Variants in CEP85 observed in about 807,000 individuals in gnomAD.
CEP85 encodes centrosomal protein of 85 kDa.
A neutral mutation model predicts 93.7 loss-of-function variants in CEP85; 58 were observed. The observed-to-expected ratio is 0.62, with a 90% confidence interval of 0.50 to 0.77. The LOEUF (loss-of-function observed/expected upper bound fraction) is 0.77, where lower values mean the gene tolerates loss of function less well. CEP85 is among the 30% of genes least tolerant of loss of function. The pLI, the probability that CEP85 is intolerant of heterozygous loss-of-function variation, is 0.00. For synonymous variants in CEP85, 314 were observed against 338.6 expected (o/e 0.93, Z 0.80); for missense variants, 868 against 922.0 (o/e 0.94, Z 0.76).
rs1450088073 is a variant in CEP85, at chr1:26,248,705, A to AGTCTGG, written c.208+4392_208+4397dup. 2.4e-5 allele frequency among the ~76,000 whole-genome samples: 3 copies of AGTCTGG among 127,008 alleles called. No homozygotes were observed. In the Admixed American group the frequency reaches 2.7e-4, roughly 11 times the overall value. The allele number at this position is 127,008 out of a possible 152,430, so 83.3% of individuals were successfully genotyped here. On this transcript the variant is annotated intron_variant, in intron 3 of 13. Transcript: ENST00000451429. ...GAGATGGGGTTTCACCATGTTGGCC[A>AGTCTGG]GTCTGGGTCTTGAACTCTTTTTTTT...
At chr1:26,244,352 G>A in intron 3 of CEP85, 34 bp downstream of exon 3, 3 of 1,590,028 alleles carry the variant, frequency 1.9e-6, no homozygotes, top group Non-Finnish European at 2.6e-6. Context: ...TTACCAATAT[G>A]TGTTCTCATT....
chr1:26,236,034 T>A (rs934384162), intron 1 of CEP85, among the ~76,000 whole-genome samples: 10 of 152,236 alleles, frequency 6.6e-5, no homozygotes, highest in African/African-American at 2.4e-4. Flanking sequence ...CAGCTCTAGC[T>A]GTCTGAGGCA....
intron 7 of CEP85, chr1:26,263,240 G>A: frequency 3.1e-6 from 1 of 318,022 alleles, no homozygotes. Flanking sequence ...CTGTGCTGTT[G>A]ACGAAGATCT....
intron 7 of CEP85, among the ~76,000 whole-genome samples, chr1:26,260,380 A>G (rs1006576592): frequency 1.3e-5 from 2 of 152,072 alleles, no homozygotes; most frequent in African/African-American, 4.8e-5. Context: ...AATCTCAGCT[A>G]CTTGGGAGGC....
In CEP85 at chr1:26,269,582, G is replaced by C. The variant is rs2089942679; in HGVS notation, c.1617G>C (p.Gln539His). The part of the protein sequence containing the change: ...EKEIQLESLR[Q>H]REAEFSSAGH... ...AGATTCAACTGGAAAGCCTGAGGCA[G>C]AGAGAAGCAGAATTCTCCTCCGCTG... Residue 539 changes from glutamine (Q) to histidine (H), a missense_variant, in exon 9 of 14, where the codon CAG (glutamine) becomes CAC (histidine). By Grantham distance (24) the Gln-to-His change is conservative. Transcript: ENST00000451429. The C allele has an allele frequency of 6.2e-7, 1 of 1,613,974 alleles. No individual in the cohort carries two copies. Among genetic ancestry groups the C allele is most frequent in the African/African-American group, 1.3e-5 (1 of 74,922 alleles).
intron 6 of CEP85, 80 bp from the exon 7 acceptor site, chr1:26,259,537 G>T (rs759897041): frequency 4.7e-5 from 60 of 1,281,336 alleles, no homozygotes; most frequent in Non-Finnish European, 5.7e-5. Flanking sequence ...ATATTTGACC[G>T]TGAAGTATGC....
chr1:26,265,701 T>C lies in CEP85; in HGVS notation c.1342-2782T>C, dbSNP rs114108857. 5.9e-3 allele frequency among the ~76,000 whole-genome samples: 895 copies of C among 152,324 alleles called. 8 individuals are homozygous for C. Among genetic ancestry groups the C allele is most frequent in the African/African-American group, 0.021 (872 of 41,580 alleles). Reference sequence around the variant, plus strand: ...GGGAGGAGCAGATTTTCTTCCCTGTTGTCTGTAACTCCCACTGCAGATTAT... The same window carrying C: ...GGGAGGAGCAGATTTTCTTCCCTGTCGTCTGTAACTCCCACTGCAGATTAT... On this transcript the variant is annotated intron_variant, in intron 7 of 13. Coordinates refer to ENST00000451429, the MANE Select transcript of CEP85 (RefSeq NM_001319944.2).
At position 26,244,319 on chromosome 1, in the gene CEP85, G is replaced by T. The variant is rs1446722299; in HGVS notation, c.208+1G>T. The T allele has an allele frequency of 5.0e-6, 8 of 1,612,140 alleles. No homozygotes were observed. Among genetic ancestry groups the T allele is most frequent in the Non-Finnish European group, 6.8e-6 (8 of 1,178,820 alleles). ...ACATCATGCTCAGATATTGCGGAGG[G>T]TAAGTTTGTATTAATGATTTGATTA... On this transcript the variant is annotated splice_donor_variant, in intron 3 of 13. Transcript: ENST00000451429. LOFTEE classifies it high-confidence loss of function.
intron 5 of CEP85, 45 bp downstream of exon 5, chr1:26,257,775 C>A (rs1439941635): frequency 3.1e-6 from 5 of 1,606,764 alleles, no homozygotes; most frequent in Non-Finnish European, 4.3e-6. Flanking sequence ...CTCTCCCAGG[C>A]CCCATTGAAG....
intron 13 of CEP85, 56 bp from the exon 14 acceptor site, chr1:26,277,080 C>T (rs986408077): frequency 6.4e-7 from 1 of 1,563,792 alleles, no homozygotes; most frequent in Non-Finnish European, 8.8e-7. Flanking sequence ...ACTGCACCCT[C>T]CACATGAAAA....
chr1:26,246,532 G>A (rs7527293), intron 3 of CEP85, among the ~76,000 whole-genome samples: 25,074 of 151,938 alleles, frequency 0.17, 2,173 homozygotes, highest in Middle Eastern at 0.21. Flanking sequence ...TCAGGAGTTC[G>A]AGACCAGCCT....
At position 26,275,032 on chromosome 1, in the gene CEP85, G is replaced by A. The variant is rs1323029070; in HGVS notation, c.1863G>A (p.Arg621=). The part of the protein sequence containing the change: ...SQALREEAQR[R]DSALQQLRTA... ...CCCTGAGAGAGGAGGCCCAGCGAAG[G>A]GATTCAGCCCTGCAGCAGCTGCGCA... The change falls in exon 12 of 14, where the codon AGG becomes AGA. Residue 621 remains arginine (R), a synonymous_variant. Transcript: ENST00000451429. The A allele has an allele frequency of 6.3e-7, 1 of 1,586,152 alleles. No individual in the cohort carries two copies. Among genetic ancestry groups the A allele is most frequent in the East Asian group, 2.3e-5 (1 of 43,286 alleles).
intron 10 of CEP85, 132 bp downstream of exon 10, chr1:26,271,239 C>T (rs1268130738): frequency 2.1e-5 from 12 of 578,874 alleles, no homozygotes; most frequent in Non-Finnish European, 3.4e-5. Context: ...TCTTTCTTTT[C>T]GGAGAAGTCA....
At chr1:26,274,862 T>G in intron 11 of CEP85, 102 bp from the exon 12 acceptor site, 1 of 818,884 alleles carries the variant, frequency 1.2e-6, no homozygotes, top group Non-Finnish European at 2.0e-6. Flanking sequence ...AGGGTGTAGG[T>G]AGGGTGAGTC....
chr1:26,262,566 G>A (rs2089828409), intron 7 of CEP85, among the ~76,000 whole-genome samples: 1 of 152,098 alleles, frequency 6.6e-6, no homozygotes, highest in Non-Finnish European at 1.5e-5. Flanking sequence ...ACAAAGAAAT[G>A]ACACTAATGA....
At position 26,259,711 on chromosome 1, in the gene CEP85, C is replaced by T. The variant is rs1214376114; in HGVS notation, c.1250C>T (p.Ser417Phe). 5.6e-6 allele frequency: 9 copies of T among 1,614,154 alleles called. No homozygotes were observed. Among genetic ancestry groups the T allele is most frequent in the Non-Finnish European group, 7.6e-6 (9 of 1,179,990 alleles). Residue 417 changes from serine (S) to phenylalanine (F), a missense_variant, in exon 7 of 14, where the codon TCT becomes TTT. Coordinates refer to ENST00000451429, the MANE Select transcript of CEP85 (RefSeq NM_001319944.2). ...AAGATTGACCTTGAAAAGAAACTCT[C>T]TGCTTCTGAAGTTGAAGTCCAGCTC... Reference protein sequence around the residue: ...REKIDLEKKLSASEVEVQLIR... With the variant: ...REKIDLEKKLFASEVEVQLIR...
chr1:26,250,206 A>C (rs2089584213), intron 3 of CEP85, among the ~76,000 whole-genome samples: 1 of 152,216 alleles, frequency 6.6e-6, no homozygotes, highest in African/African-American at 2.4e-5. Flanking sequence ...GTACCAGTCC[A>C]TGGCATATTA....
rs188681263 is a variant in CEP85, at chr1:26,269,978, C to T, written c.1649+364C>T. Among the ~76,000 whole-genome samples the T allele has an allele frequency of 2.3e-3, 345 of 151,948 alleles. 2 individuals are homozygous for T. Among genetic ancestry groups the T allele is most frequent in the African/African-American group, 7.1e-3 (294 of 41,468 alleles). On this transcript the variant is annotated intron_variant, in intron 9 of 13. Transcript: ENST00000451429. ...ATCTTTTTTGTATTTTTAGTAGAGA[C>T]GGGGTTTCACCGTGGTCTCGATCTC...
chr1:26,277,388 G>A lies in CEP85; in HGVS notation c.*95G>A. On this transcript the variant is annotated 3_prime_UTR_variant, in exon 14 of 14. Coordinates refer to ENST00000451429, the MANE Select transcript of CEP85 (RefSeq NM_001319944.2). ...GACATTCTCTTGTCTGCTATTCCCA[G>A]AGAGGTCTCAGAGGGGAGGGGAGAG... The A allele has an allele frequency of 1.5e-6, 2 of 1,308,798 alleles. No homozygotes were observed. Among genetic ancestry groups the A allele is most frequent in the Non-Finnish European group, 2.1e-6 (2 of 937,600 alleles). 81.1% of individuals were successfully genotyped at this position (1,308,798 alleles called of 1,614,324 possible). A position where few individuals can be genotyped will look rare whatever the true frequency, so the allele number is the denominator to read the frequency against.
Sources: gnomAD v4.1 joint callset for allele counts (sites outside exome capture counted in the v4.1 genomes callset) on GRCh38, gnomAD v4.1.1 for gene constraint, MANE v1.5 for transcripts, NCBI Gene and HGNC (gene_info 2026-07-23, HGNC 2026-07-21) for gene names.